The following EHMT1 variants were observed in gnomAD, a reference collection of about 807,000 sequenced individuals.
EHMT1 encodes euchromatic histone lysine methyltransferase 1, also known as histone-lysine N-methyltransferase EHMT1.
A neutral mutation model predicts 147.2 loss-of-function variants in EHMT1; 15 were observed. The ratio of observed to expected loss-of-function variants is 0.10; its 90% CI spans 0.07 to 0.16. EHMT1 has a LOEUF of 0.16. EHMT1 is among the 10% of genes least tolerant of loss of function. The pLI, the probability that EHMT1 is intolerant of heterozygous loss-of-function variation, is 1.00. For synonymous variants in EHMT1, 795 were observed against 709.6 expected, an observed-to-expected ratio of 1.12 and a Z score of -1.91; for missense variants, 1,587 against 1,772.4, an observed-to-expected ratio of 0.90 and a Z score of 1.88.
chr9:137,686,855 C>T (rs2501555), intron 1 of EHMT1, among the ~76,000 whole-genome samples: 1 of 151,532 alleles, frequency 6.6e-6, no homozygotes, highest in Non-Finnish European at 1.5e-5. Flanking sequence ...CTCAGCCTCC[C>T]GAGTAGCTGG....
chr9:137,676,728 G>A (rs769978177), intron 1 of EHMT1, among the ~76,000 whole-genome samples: 5 of 152,280 alleles, frequency 3.3e-5, no homozygotes, highest in Admixed American at 6.5e-5. Context: ...GAGCCACAGG[G>A]GACTGGAGCC....
intron 18 of EHMT1, chr9:137,803,472 C>T (rs542170577): frequency 1.7e-4 from 40 of 231,402 alleles, no homozygotes; most frequent in African/African-American, 6.8e-4. Flanking sequence ...AGCTTTCCCT[C>T]GCGTCCTTAA....
chr9:137,793,143 G>T (rs116161011), intron 16 of EHMT1, among the ~76,000 whole-genome samples: 1 of 152,212 alleles, frequency 6.6e-6, no homozygotes, highest in African/African-American at 2.4e-5. Flanking sequence ...GACCAATAGC[G>T]TGAAAAGACC....
intron 3 of EHMT1, among the ~76,000 whole-genome samples, chr9:137,718,715 G>A (rs1945605778): frequency 6.6e-6 from 1 of 150,466 alleles, no homozygotes; most frequent in Non-Finnish European, 1.5e-5. Context: ...TTTTTTTCAT[G>A]CCCAGTATCT....
chr9:137,776,871 T>C lies in EHMT1; in HGVS notation c.2018+27T>C. The C allele has an allele frequency of 6.2e-7, 1 of 1,606,874 alleles. No individual in the cohort carries two copies. ...TACCTGGCACAGGCTCTGGCTGGGC[T>C]CTCCAGTCGTCCACCTGAAAAAGTT... On this transcript the variant is annotated intron_variant, in intron 12 of 26. Transcript: ENST00000460843. The surrounding 1 kb of genome is among the most constrained non-coding windows in gnomAD (Gnocchi z 4.4).
chr9:137,673,865 A>G (rs1940949089), intron 1 of EHMT1, among the ~76,000 whole-genome samples: 4 of 152,238 alleles, frequency 2.6e-5, no homozygotes, highest in Admixed American at 2.6e-4. Context: ...GTGTCAACAT[A>G]TTACTTAGCC....
intron 1 of EHMT1, among the ~76,000 whole-genome samples, chr9:137,660,911 A>G (rs1229151593): frequency 6.6e-6 from 1 of 152,186 alleles, no homozygotes; most frequent in Non-Finnish European, 1.5e-5. Context: ...CTTTCCTACC[A>G]TCATCTTGCT....
intron 1 of EHMT1, among the ~76,000 whole-genome samples, chr9:137,704,021 C>T (rs937708419): frequency 3.3e-5 from 5 of 152,020 alleles, no homozygotes; most frequent in South Asian, 2.1e-4. Context: ...AAAGGGGAAG[C>T]GAGCACATCT....
intron 25 of EHMT1, among the ~76,000 whole-genome samples, chr9:137,820,867 GTTTGTTTTGTTTTGT>G (rs57434137): frequency 6.6e-6 from 1 of 151,048 alleles, no homozygotes; most frequent in African/African-American, 2.5e-5. Flanking sequence ...CACCTTAGAG[GTTTGTTTTGTTTTGT>G]TTTGTTTTGT....
Position 137,717,150 on chromosome 9 carries a change from C to T in EHMT1, c.610C>T (p.Arg204Cys), listed in dbSNP as rs773281923. The change falls in exon 3 of 27, where the codon CGC becomes TGC. Residue 204 changes from arginine (R) to cysteine (C), a missense_variant. Physicochemically the swap from Arg to Cys is radical, Grantham distance 180 (BLOSUM62 -3). Transcript: ENST00000460843. ...PGADVKVHRA[R>C]KTMPKSVVGL... ...CGCCGACGTCAAGGTCCACAGGGCA[C>T]GCAAGACCATGCCGAAGTCCGTCGT... 8 of 1,612,496 alleles carry T rather than the reference C, an allele frequency of 5.0e-6. No homozygotes were observed. The highest frequency in any genetic ancestry group is 2.2e-5 in the East Asian group (1 of 44,882).
chr9:137,734,683 A>C (rs1436775375), intron 4 of EHMT1, among the ~76,000 whole-genome samples: 1 of 152,236 alleles, frequency 6.6e-6, no homozygotes, highest in African/African-American at 2.4e-5. Flanking sequence ...TAGAAAGACA[A>C]AGAGAATCTT....
Position 137,762,783 on chromosome 9 carries a change from A to T in EHMT1, c.1610A>T (p.Asn537Ile). ...AGTCGAGAGATCACCACACTGGCCA[A>T]CAACCAGTGCATGGCTACAGAGAGC... is the stretch of plus-strand genomic sequence containing the variant. ...PKSREITTLA[N>I]NQCMATESVD... Residue 537 changes from asparagine (N) to isoleucine (I), a missense_variant, in exon 10 of 27, where the codon AAC becomes ATC. This residue lies in a region of EHMT1 where 124 missense variants were observed against 197.8 expected (regional missense o/e 0.63). Coordinates refer to ENST00000460843, the MANE Select transcript of EHMT1 (RefSeq NM_024757.5). The T allele has an allele frequency of 6.2e-7, 1 of 1,614,254 alleles. No individual in the cohort carries two copies. The highest frequency in any genetic ancestry group is 8.5e-7 in the Non-Finnish European group (1 of 1,180,040).
chr9:137,784,985 T>G (rs1028384825), intron 15 of EHMT1: 35 of 129,052 alleles, frequency 2.7e-4, no homozygotes, highest in East Asian at 4.6e-4. Context: ...TGGGAGGGGG[T>G]GAGGTCAGGG....
rs751345277 is a variant in EHMT1 at position 137,812,998 on chromosome 9, C to T, written c.2868-8C>T. 1 of 1,613,954 alleles carries T rather than the reference C, an allele frequency of 6.2e-7. No homozygotes were observed. ...AAATGTTTTGTGGCCTTACATTTTC[C>T]CTTTTAGCCTCTTTCTTTCTCGGGA... On this transcript the variant is annotated splice_polypyrimidine_tract_variant and splice_region_variant and intron_variant, in intron 19 of 26. Coordinates refer to ENST00000460843, the MANE Select transcript of EHMT1 (RefSeq NM_024757.5).
intron 2 of EHMT1, chr9:137,715,451 T>G: frequency 1.2e-6 from 1 of 819,578 alleles, no homozygotes; most frequent in Non-Finnish European, 1.5e-6. Flanking sequence ...CTTAACGTCC[T>G]CGGGTGGAAG....
intron 1 of EHMT1, among the ~76,000 whole-genome samples, chr9:137,633,574 C>T (rs1843764565): frequency 2.0e-5 from 3 of 152,124 alleles, no homozygotes. Context: ...AATTCATTTA[C>T]TATAAAATTC....
chr9:137,670,766 G>A (rs979536741), intron 1 of EHMT1, among the ~76,000 whole-genome samples: 2 of 152,222 alleles, frequency 1.3e-5, no homozygotes, highest in East Asian at 3.8e-4. Context: ...CCTCCCTGGG[G>A]TCTAGCGGGG....
chr9:137,696,238 G>T (rs1447812317), intron 1 of EHMT1, among the ~76,000 whole-genome samples: 2 of 152,154 alleles, frequency 1.3e-5, no homozygotes, highest in African/African-American at 4.8e-5. Flanking sequence ...GGTGAAATTG[G>T]TATGTGGAAA....
intron 10 of EHMT1, 44 bp downstream of exon 10, chr9:137,762,864 T>C (rs1949937505): frequency 6.2e-7 from 1 of 1,611,274 alleles, no homozygotes; most frequent in South Asian, 1.1e-5. Context: ...GAGGAGTGAG[T>C]GAGAAAGCCC....
Sources: allele counts gnomAD v4.1 joint callset (sites outside exome capture counted in the v4.1 genomes callset), GRCh38; gene constraint gnomAD v4.1.1; regional missense constraint gnomAD v4.1.1; non-coding constraint Gnocchi (gnomAD v3.1); transcripts MANE v1.5; gene names NCBI Gene and HGNC (gene_info 2026-07-23, HGNC 2026-07-21).